Variants in MOK observed in about 807,000 individuals in gnomAD.
The protein encoded by MOK is MOK protein kinase, also known as MAPK/MAK/MRK overlapping kinase.
Under a neutral mutation model 54.2 loss-of-function variants are expected in MOK, and 59 were observed. That is an observed-to-expected ratio of 1.09 (90% CI 0.88 to 1.35). MOK has a LOEUF of 1.35. MOK is among the 40% of genes most tolerant of loss of function. The pLI is 0.00. For synonymous variants in MOK, 210 were observed against 202.7 expected (o/e 1.04, Z -0.31); for missense variants, 517 against 526.2 (o/e 0.98, Z 0.17).
At chr14:102,226,558 C>A (rs2064254670), downstream of MOK, 2 of 658,988 alleles carry the variant, frequency 3.0e-6, no homozygotes, top group Non-Finnish European at 5.5e-6. The surrounding 1 kb of genome is among the most constrained non-coding windows in gnomAD (Gnocchi z 4.8). Context: ...ATGGGCTGAG[C>A]CAGCCTGGCC....
intron 2 of MOK, among the ~76,000 whole-genome samples, chr14:102,274,743 G>A (rs1287487430): frequency 6.6e-6 from 1 of 151,786 alleles, no homozygotes; most frequent in African/African-American, 2.4e-5. Context: ...GGGAGGACGA[G>A]GCAGGCGGAT....
chr14:102,282,915 C>T (rs1168287545), intron 2 of MOK, among the ~76,000 whole-genome samples: 1 of 151,722 alleles, frequency 6.6e-6, no homozygotes, highest in Non-Finnish European at 1.5e-5. Flanking sequence ...ATTAGCCGGG[C>T]TTGGTGGCAC....
At chr14:102,286,911 A>AT (rs2070170454) in intron 1 of MOK, among the ~76,000 whole-genome samples, 5 of 138,378 alleles carry the variant, frequency 3.6e-5, no homozygotes, top group Admixed American at 2.1e-4. Context: ...CTCCGTCTCA[A>AT]AAATAATAAT....
intron 1 of MOK, among the ~76,000 whole-genome samples, chr14:102,293,051 T>C (rs1462412829): frequency 6.6e-6 from 1 of 152,174 alleles, no homozygotes; most frequent in African/African-American, 2.4e-5. Flanking sequence ...AAGAATCGCT[T>C]GAACCTGGGA....
intron 2 of MOK, among the ~76,000 whole-genome samples, chr14:102,267,969 A>G (rs7156621): frequency 0.13 from 19,443 of 151,894 alleles, 1,719 homozygotes; most frequent in African/African-American, 0.25. Context: ...AAAAAAAAAA[A>G]TTCCAGGCCA....
At chr14:102,220,544 C>T (rs1194222345), downstream of MOK, among the ~76,000 whole-genome samples, 1 of 151,970 alleles carries the variant, frequency 6.6e-6, no homozygotes, top group Non-Finnish European at 1.5e-5. The surrounding 1 kb of genome is among the most constrained non-coding windows in gnomAD (Gnocchi z 4.2). Context: ...AACAGTGAAA[C>T]CCCATCTCTA....
chr14:102,268,851 C>T (rs1597454968), intron 2 of MOK, among the ~76,000 whole-genome samples: 1 of 150,764 alleles, frequency 6.6e-6, no homozygotes, highest in East Asian at 2.0e-4. Context: ...GGAGGTGGAG[C>T]TTGCAGTAAG....
intron 1 of MOK, among the ~76,000 whole-genome samples, chr14:102,293,095 T>C (rs1047330486): frequency 4.6e-5 from 7 of 152,138 alleles, no homozygotes; most frequent in African/African-American, 1.7e-4. Context: ...ATTGTGCCAC[T>C]GCACTCCAGC....
downstream of MOK, among the ~76,000 whole-genome samples, chr14:102,224,036 GATTTTTT>G (rs2064146338): frequency 7.2e-6 from 1 of 139,442 alleles, no homozygotes; most frequent in African/African-American, 2.7e-5. Context: ...GTTTACCTGA[GATTTTTT>G]TTTTTTTTTT....
intron 1 of MOK, among the ~76,000 whole-genome samples, chr14:102,291,749 G>A (rs1042989287): frequency 6.6e-6 from 1 of 152,056 alleles, no homozygotes; most frequent in Non-Finnish European, 1.5e-5. Context: ...CTCAGATCGG[G>A]AGTTTGAGAC....
intron 1 of MOK, among the ~76,000 whole-genome samples, chr14:102,300,398 A>C (rs1294924566): frequency 6.6e-6 from 1 of 151,660 alleles, no homozygotes; most frequent in Non-Finnish European, 1.5e-5. Context: ...AAAAAAAAAA[A>C]ATTAGCTGGG....
chr14:102,304,424 C>T (rs1217947386), intron 1 of MOK, among the ~76,000 whole-genome samples: 1 of 152,264 alleles, frequency 6.6e-6, no homozygotes, highest in South Asian at 2.1e-4. Flanking sequence ...TAAAAGGTTG[C>T]TTCAAAACTA....
At chr14:102,278,669 A>G (rs745775892) in intron 2 of MOK, 13 of 455,168 alleles carry the variant, frequency 2.9e-5, no homozygotes. Flanking sequence ...GGGGAACTTG[A>G]TCTCTCCGAA....
chr14:102,239,119 T>C (rs369775976), intron 7 of MOK, among the ~76,000 whole-genome samples: 180 of 152,306 alleles, frequency 1.2e-3, no homozygotes, highest in African/African-American at 4.1e-3. Context: ...ACAATGGCCC[T>C]GGCTTCATTT....
intron 2 of MOK, among the ~76,000 whole-genome samples, chr14:102,282,555 T>C (rs1221775012): frequency 1.3e-5 from 2 of 151,556 alleles, no homozygotes; most frequent in African/African-American, 4.9e-5. Flanking sequence ...GGCAACGTGG[T>C]GAAGCCCCGT....
downstream of MOK, among the ~76,000 whole-genome samples, chr14:102,221,509 G>A (rs921359918): frequency 1.2e-4 from 18 of 152,192 alleles, no homozygotes; most frequent in South Asian, 4.1e-4. The surrounding 1 kb of genome is among the most constrained non-coding windows in gnomAD (Gnocchi z 4.8). Context: ...AGTATGGGGC[G>A]TTTGCGGGGT....
intron 4 of MOK, among the ~76,000 whole-genome samples, chr14:102,262,465 A>C (rs2067561964): frequency 6.6e-6 from 1 of 152,218 alleles, no homozygotes; most frequent in Non-Finnish European, 1.5e-5. Context: ...CTTTATATAC[A>C]TCAACTTTTA....
intron 7 of MOK, among the ~76,000 whole-genome samples, chr14:102,248,112 C>G (rs536058362): frequency 6.6e-6 from 1 of 152,346 alleles, no homozygotes; most frequent in South Asian, 2.1e-4. Flanking sequence ...AGTGGCCAGA[C>G]GCCAACGGCG....
At chr14:102,275,085 G>A (rs1237400907) in intron 2 of MOK, among the ~76,000 whole-genome samples, 1 of 152,054 alleles carries the variant, frequency 6.6e-6, no homozygotes, top group Non-Finnish European at 1.5e-5. Context: ...GTCAAAGAGA[G>A]CAATGAAACA....
Sources: gnomAD v4.1 joint callset for allele counts (sites outside exome capture counted in the v4.1 genomes callset) on GRCh38, gnomAD v4.1.1 for gene constraint, Gnocchi (gnomAD v3.1) non-coding constraint, MANE v1.5 for transcripts, NCBI Gene and HGNC (gene_info 2026-07-23, HGNC 2026-07-21) for gene names.